The following INPP4A variants were observed in gnomAD, a reference collection of about 807,000 sequenced individuals.
INPP4A encodes inositol polyphosphate-4-phosphatase type I A.
INPP4A carries 33 observed loss-of-function variants against 119.8 expected under a neutral mutation model. That is an observed-to-expected ratio of 0.28 (90% CI 0.21 to 0.37). The LOEUF (loss-of-function observed/expected upper bound fraction) is 0.37, where lower values mean the gene tolerates loss of function less well. Among genes scored for constraint, INPP4A ranks in the 10% least tolerant of loss-of-function variants. INPP4A has a pLI of 1.00. For missense variants in INPP4A, 956 were observed against 1,289.9 expected, an observed-to-expected ratio of 0.74 and a Z score of 3.97; for synonymous variants, 496 against 500.7, an observed-to-expected ratio of 0.99 and a Z score of 0.12.
chr2:98,568,958 C>G (rs1696965453), intron 22 of INPP4A: 2 of 323,982 alleles, frequency 6.2e-6, no homozygotes, highest in East Asian at 1.2e-4. Flanking sequence ...CATTGTGCAC[C>G]TCCTGGTAGG....
chr2:98,586,733 G>A (rs1176852565), intron 24 of INPP4A, among the ~76,000 whole-genome samples: 1 of 152,192 alleles, frequency 6.6e-6, no homozygotes, highest in Non-Finnish European at 1.5e-5. Flanking sequence ...AGTTCTCTAG[G>A]GAAGGGCACC....
chr2:98,496,740 A>C (rs550210702), intron 1 of INPP4A, among the ~76,000 whole-genome samples: 1 of 152,352 alleles, frequency 6.6e-6, no homozygotes, highest in South Asian at 2.1e-4. Context: ...AAGACATGCA[A>C]ATGGCCAACA....
At chr2:98,565,524 AGCCACACCT>A in intron 19 of INPP4A, 107 bp from the exon 20 acceptor site, 2 of 1,130,712 alleles carry the variant, frequency 1.8e-6, no homozygotes, top group Non-Finnish European at 2.4e-6. Context: ...CCTCCACCAG[AGCCACACCT>A]GCACCCCTCC....
intron 23 of INPP4A, among the ~76,000 whole-genome samples, chr2:98,575,721 G>A (rs1047320067): frequency 6.6e-6 from 1 of 152,184 alleles, no homozygotes; most frequent in African/African-American, 2.4e-5. Flanking sequence ...GGCCTGACAA[G>A]CAGGTGTTGT....
intron 24 of INPP4A, among the ~76,000 whole-genome samples, chr2:98,580,412 A>G (rs1699125051): frequency 6.6e-6 from 1 of 152,106 alleles, no homozygotes. Flanking sequence ...CGCTTCTACC[A>G]GGGCCCATTT....
intron 24 of INPP4A, among the ~76,000 whole-genome samples, chr2:98,585,684 A>C (rs1198200532): frequency 6.6e-6 from 1 of 152,246 alleles, no homozygotes; most frequent in Non-Finnish European, 1.5e-5. Context: ...CATCAGCCGG[A>C]TATTGCAAAT....
At position 98,589,523 on chromosome 2, in the gene INPP4A, A is replaced by G. The variant is rs112183482; in HGVS notation, c.*1915A>G. 779 of 180,834 alleles carry G rather than the reference A, an allele frequency of 4.3e-3. 7 individuals carry two copies. Among genetic ancestry groups the G allele is most frequent in the African/African-American group, 0.017 (743 of 42,516 alleles). The allele number at this position is 180,834 out of a possible 1,614,324, so 11.2% of individuals were successfully genotyped here. A position where few individuals can be genotyped will look rare whatever the true frequency, so the allele number is the denominator to read the frequency against. ...ATATAGCAAATGTTGATCATCTGTCAGCAGTTTTGCATGTGACACCTTTAT... is the reference window on the plus strand; with the variant it reads ...ATATAGCAAATGTTGATCATCTGTCGGCAGTTTTGCATGTGACACCTTTAT... On this transcript the variant is annotated 3_prime_UTR_variant, in exon 25 of 25. Coordinates refer to ENST00000409851, the MANE Select transcript of INPP4A (RefSeq NM_001134225.2).
intron 4 of INPP4A, among the ~76,000 whole-genome samples, chr2:98,523,558 C>T (rs1403490070): frequency 6.6e-6 from 1 of 151,952 alleles, no homozygotes; most frequent in African/African-American, 2.4e-5. Flanking sequence ...CCACACCCAG[C>T]TAATTTTTTG....
rs2106585903 is a variant in INPP4A, at chr2:98,593,581, C to A, written c.*5973C>A. ...AATTTCTAGGTCCATCCCAGACTCT[C>A]CCCCAAGGTCCAGATTACCTATACA... On this transcript the variant is annotated 3_prime_UTR_variant, in exon 25 of 25. Transcript: ENST00000409851. 6.6e-6 allele frequency: 1 copy of A among 152,376 alleles called. No homozygotes were observed. The highest frequency in any genetic ancestry group is 3.4e-3 in the Middle Eastern group (1 of 294). 9.4% of individuals were successfully genotyped at this position (152,376 alleles called of 1,614,324 possible).
At chr2:98,517,889 A>T (rs1686445552) in intron 1 of INPP4A, among the ~76,000 whole-genome samples, 1 of 152,232 alleles carries the variant, frequency 6.6e-6, no homozygotes, top group Non-Finnish European at 1.5e-5. Context: ...AATATAGGAG[A>T]GTCCTAGACA....
At chr2:98,526,226 A>G (rs1257524831) in intron 4 of INPP4A, among the ~76,000 whole-genome samples, 5 of 152,240 alleles carry the variant, frequency 3.3e-5, no homozygotes, top group Non-Finnish European at 4.4e-5. Flanking sequence ...AATGCTTGCA[A>G]AACTAGGAGA....
chr2:98,529,507 A>AGGT (rs1688801044), intron 4 of INPP4A, among the ~76,000 whole-genome samples: 1 of 152,146 alleles, frequency 6.6e-6, no homozygotes, highest in African/African-American at 2.4e-5. Flanking sequence ...AGGCCGAGGC[A>AGGT]GGTGGATCAC....
chr2:98,555,558 A>G lies in INPP4A; in HGVS notation c.1572A>G (p.Lys524=), dbSNP rs758052809. ...GGGCCCCTTTGATTTGGAAGGAGAA[A>G]GTGTGGCTGAACGTGGACAAGAGCC... ...QVDWHEEEWE[K]VWLNVDKSLE... is the part of the protein sequence containing the mutation. Residue 524 remains lysine, a synonymous_variant, in exon 16 of 25, where the codon AAA becomes AAG. Transcript: ENST00000409851. 3.8e-6 allele frequency: 6 copies of G among 1,597,276 alleles called. No homozygotes were observed. The highest frequency in any genetic ancestry group is 2.7e-5 in the African/African-American group (2 of 74,588).
At chr2:98,542,673 C>T (rs1691687898) in intron 10 of INPP4A, among the ~76,000 whole-genome samples, 1 of 152,040 alleles carries the variant, frequency 6.6e-6, no homozygotes, top group Non-Finnish European at 1.5e-5. Flanking sequence ...GTTTTTAAAT[C>T]CATCTTGTGA....
At chr2:98,529,076 CAA>C (rs200658332) in intron 4 of INPP4A, among the ~76,000 whole-genome samples, 1,487 of 94,814 alleles carry the variant, frequency 0.016, 10 homozygotes, top group South Asian at 0.041. Context: ...GAGACTGTCT[CAA>C]AAAAAAAAAA....
chr2:98,553,221 A>T (rs1693852848), intron 14 of INPP4A, among the ~76,000 whole-genome samples: 1 of 152,146 alleles, frequency 6.6e-6, no homozygotes, highest in Admixed American at 6.5e-5. Context: ...TGTGCCCTTC[A>T]GCAAGTCCAT....
intron 24 of INPP4A, among the ~76,000 whole-genome samples, chr2:98,581,315 T>C (rs888028931): frequency 6.6e-6 from 1 of 152,218 alleles, no homozygotes; most frequent in Non-Finnish European, 1.5e-5. Context: ...GCAGTATTTT[T>C]TCTTATTTTC....
chr2:98,540,828 CTG>C (rs1392500177), intron 10 of INPP4A, among the ~76,000 whole-genome samples: 1 of 152,206 alleles, frequency 6.6e-6, no homozygotes, highest in Non-Finnish European at 1.5e-5. Context: ...CTTCTCAAAA[CTG>C]TGGCATTCAG....
At chr2:98,557,157 G>A (rs907464423) in intron 16 of INPP4A, among the ~76,000 whole-genome samples, 1 of 152,088 alleles carries the variant, frequency 6.6e-6, no homozygotes, top group African/African-American at 2.4e-5. Flanking sequence ...GGCACATCCT[G>A]TATTGTTTAA....
Sources: allele counts gnomAD v4.1 joint callset (sites outside exome capture counted in the v4.1 genomes callset), GRCh38; gene constraint gnomAD v4.1.1; transcripts MANE v1.5; gene names NCBI Gene and HGNC (gene_info 2026-07-23, HGNC 2026-07-21).